The following VDAC1 variants were observed in gnomAD, a reference collection of about 807,000 sequenced individuals.
The protein encoded by VDAC1 is non-selective voltage-gated ion channel VDAC1.
A neutral mutation model predicts 34.7 loss-of-function variants in VDAC1; 10 were observed. The observed-to-expected ratio is 0.29, with a 90% confidence interval of 0.18 to 0.49. VDAC1 has a LOEUF of 0.49. Among genes scored for constraint, VDAC1 ranks in the 20% least tolerant of loss-of-function variants. VDAC1 has a pLI of 0.99. For missense variants in VDAC1, 230 were observed against 347.9 expected, an observed-to-expected ratio of 0.66 and a Z score of 2.69; for synonymous variants, 130 against 136.0, an observed-to-expected ratio of 0.96 and a Z score of 0.30.
At chr5:134,050,745 A>C in the VDAC1 span, among the ~76,000 whole-genome samples, 1 of 152,234 alleles carries the variant, frequency 6.6e-6, no homozygotes, top group Non-Finnish European at 1.5e-5. Flanking sequence ...TGGAATATTA[A>C]AAACATGTCA....
At chr5:134,029,562 C>T in the VDAC1 span, among the ~76,000 whole-genome samples, 2 of 152,188 alleles carry the variant, frequency 1.3e-5, no homozygotes, top group South Asian at 4.1e-4. Context: ...TTGATGGTCA[C>T]TAGGCAAACG....
intron 1 of VDAC1, among the ~76,000 whole-genome samples, chr5:133,998,509 T>C (rs1753419520): frequency 1.3e-5 from 2 of 152,160 alleles, no homozygotes; most frequent in South Asian, 4.1e-4. Context: ...CACTCCAGCC[T>C]GGGTGACAGA....
the VDAC1 span, among the ~76,000 whole-genome samples, chr5:134,072,136 G>C: frequency 6.6e-6 from 1 of 152,172 alleles, no homozygotes; most frequent in Non-Finnish European, 1.5e-5. Flanking sequence ...CCATCTTGCA[G>C]ACACCTTCTA....
At chr5:134,079,829 C>T in the VDAC1 span, among the ~76,000 whole-genome samples, 1 of 152,246 alleles carries the variant, frequency 6.6e-6, no homozygotes, top group African/African-American at 2.4e-5. Context: ...CTAACTTTCA[C>T]CCCAAGAAAC....
the VDAC1 span, among the ~76,000 whole-genome samples, chr5:134,112,519 C>T: frequency 8.5e-5 from 13 of 152,220 alleles, no homozygotes; most frequent in Non-Finnish European, 1.3e-4. Flanking sequence ...CCTCTGGTTC[C>T]AGCCAGCAGG....
At chr5:134,025,850 C>T in the VDAC1 span, among the ~76,000 whole-genome samples, 1 of 152,150 alleles carries the variant, frequency 6.6e-6, no homozygotes, top group Non-Finnish European at 1.5e-5. Context: ...CCCACCTCAG[C>T]CTCCCAAATG....
chr5:133,982,511 C>CAA (rs147731334), intron 5 of VDAC1, among the ~76,000 whole-genome samples: 47 of 81,344 alleles, frequency 5.8e-4, no homozygotes, highest in Admixed American at 1.2e-3. Flanking sequence ...GACTCCGTCT[C>CAA]AAAAAAAAAA....
the VDAC1 span, among the ~76,000 whole-genome samples, chr5:134,032,575 T>C: frequency 4.6e-5 from 7 of 152,166 alleles, no homozygotes; most frequent in African/African-American, 1.7e-4. Context: ...CATGGAAGAA[T>C]GGTTGAATGA....
chr5:133,995,063 C>T lies in VDAC1; in HGVS notation c.-6-2045G>A, dbSNP rs529062820. Among the ~76,000 whole-genome samples the T allele has an allele frequency of 2.0e-5, 3 of 152,288 alleles. No individual in the cohort carries two copies. In the South Asian group the frequency reaches 6.2e-4, roughly 32 times the overall value. On this transcript the variant is annotated intron_variant, in intron 1 of 8. Coordinates refer to ENST00000265333, the MANE Select transcript of VDAC1 (RefSeq NM_003374.3). Reference sequence around the variant, plus strand: ...GTTCCCCAAATGCCCTCTCTCATCGCTAATCCCCAAAATCCAACAAGCACA... The same window carrying T: ...GTTCCCCAAATGCCCTCTCTCATCGTTAATCCCCAAAATCCAACAAGCACA...
chr5:134,047,246 A>T, the VDAC1 span, among the ~76,000 whole-genome samples: 1 of 151,948 alleles, frequency 6.6e-6, no homozygotes, highest in Non-Finnish European at 1.5e-5. Context: ...CTGCTGGGGG[A>T]GGGCAGGAAC....
the VDAC1 span, among the ~76,000 whole-genome samples, chr5:134,014,191 A>C: frequency 6.6e-6 from 1 of 151,126 alleles, no homozygotes; most frequent in Non-Finnish European, 1.5e-5. Flanking sequence ...CAGGAAGCTG[A>C]GGCAGGAGAA....
At chr5:134,059,491 C>T in the VDAC1 span, among the ~76,000 whole-genome samples, 3 of 152,122 alleles carry the variant, frequency 2.0e-5, no homozygotes, top group African/African-American at 7.2e-5. Flanking sequence ...TAAGACATCC[C>T]CACACCCAGG....
intron 6 of VDAC1, among the ~76,000 whole-genome samples, chr5:133,979,809 A>C (rs1284662805): frequency 1.3e-5 from 2 of 152,212 alleles, no homozygotes; most frequent in Admixed American, 6.5e-5. Flanking sequence ...GACAGTCAGA[A>C]TATAGAACAG....
chr5:134,055,509 A>G, the VDAC1 span, among the ~76,000 whole-genome samples: 1 of 144,804 alleles, frequency 6.9e-6, no homozygotes, highest in African/African-American at 2.6e-5. Context: ...AAGCTCCGCC[A>G]CCCGGGTTCT....
the VDAC1 span, among the ~76,000 whole-genome samples, chr5:134,047,459 A>T: frequency 6.6e-6 from 1 of 152,138 alleles, no homozygotes. Context: ...GGCCTCAGAA[A>T]AGGACCATTC....
chr5:134,003,327 GT>G (rs554983613), intron 1 of VDAC1, among the ~76,000 whole-genome samples: 39 of 152,312 alleles, frequency 2.6e-4, no homozygotes, highest in African/African-American at 9.4e-4. Flanking sequence ...CAGTGGAGAA[GT>G]TTAGGCAACA....
At chr5:134,059,962 C>T in the VDAC1 span, among the ~76,000 whole-genome samples, 1 of 151,676 alleles carries the variant, frequency 6.6e-6, no homozygotes, top group Non-Finnish European at 1.5e-5. Flanking sequence ...GCAATCACAC[C>T]CACCCCCAGG....
chr5:134,087,592 C>T, the VDAC1 span, among the ~76,000 whole-genome samples: 16 of 152,216 alleles, frequency 1.1e-4, no homozygotes, highest in Admixed American at 7.2e-4. Context: ...TGGTGGCTCA[C>T]GCCTGTAATC....
intron 1 of VDAC1, among the ~76,000 whole-genome samples, chr5:133,995,866 T>C (rs1427505706): frequency 1.3e-5 from 2 of 152,222 alleles, no homozygotes; most frequent in Non-Finnish European, 2.9e-5. Context: ...CAACAAAGCC[T>C]GCTTTCACTT....
Sources: gnomAD v4.1 joint callset for allele counts (sites outside exome capture counted in the v4.1 genomes callset) on GRCh38, gnomAD v4.1.1 for gene constraint, MANE v1.5 for transcripts, NCBI Gene and HGNC (gene_info 2026-07-23, HGNC 2026-07-21) for gene names.